Variants in ERBB4 observed in about 807,000 individuals in gnomAD.
The protein encoded by ERBB4 is receptor tyrosine-protein kinase erbB-4.
ERBB4 carries 42 observed loss-of-function variants against 158.0 expected under a neutral mutation model. That is an observed-to-expected ratio of 0.27 (90% CI 0.21 to 0.34). The LOEUF (loss-of-function observed/expected upper bound fraction) is 0.34. ERBB4 is among the 10% of genes least tolerant of loss of function. The pLI, the probability that ERBB4 is intolerant of heterozygous loss-of-function variation, is 1.00. For synonymous variants in ERBB4, 583 were observed against 558.7 expected (o/e 1.04, Z -0.61); for missense variants, 1,333 against 1,624.1 (o/e 0.82, Z 3.08).
At chr2:211,703,076 T>G (rs1041638783) in intron 11 of ERBB4, among the ~76,000 whole-genome samples, 1 of 152,142 alleles carries the variant, frequency 6.6e-6, no homozygotes, top group Non-Finnish European at 1.5e-5. Context: ...TTTTAAATAT[T>G]CTTTGCTGTT....
At chr2:212,177,958 G>T (rs1304661292) in intron 1 of ERBB4, among the ~76,000 whole-genome samples, 1 of 97,140 alleles carries the variant, frequency 1.0e-5, no homozygotes, top group Admixed American at 9.0e-5. Context: ...TTGTGAGTGT[G>T]AGTGTGTGTG....
intron 1 of ERBB4, among the ~76,000 whole-genome samples, chr2:212,163,540 G>C (rs2081263739): frequency 6.6e-6 from 1 of 151,930 alleles, no homozygotes; most frequent in Admixed American, 6.6e-5. Context: ...CTATTGATTA[G>C]TCTGTAATAA....
intron 20 of ERBB4, among the ~76,000 whole-genome samples, chr2:211,486,153 C>G (rs1464713229): frequency 6.6e-6 from 1 of 152,068 alleles, no homozygotes; most frequent in East Asian, 1.9e-4. Context: ...ATTACATCAT[C>G]CTTCTTGGAA....
intron 16 of ERBB4, among the ~76,000 whole-genome samples, chr2:211,637,270 A>G (rs1014173717): frequency 5.9e-5 from 9 of 151,946 alleles, no homozygotes; most frequent in African/African-American, 1.9e-4. Context: ...AAACCTATTG[A>G]CTCTCTATTA....
chr2:211,459,617 T>G (rs1448101981), intron 20 of ERBB4, among the ~76,000 whole-genome samples: 1 of 152,210 alleles, frequency 6.6e-6, no homozygotes, highest in Non-Finnish European at 1.5e-5. Context: ...TACAAGGGGT[T>G]TCAGCTTTCA....
Position 212,381,214 on chromosome 2 carries a change from A to C in ERBB4, c.82+157235T>G, listed in dbSNP as rs2090492440. ...ATTAATGCAAAATTACCAAACCAAA[A>C]TCTTACAAAAATTAGATGAGTCAGT... On this transcript the variant is annotated intron_variant, in intron 1 of 27. Transcript: ENST00000342788. 3.3e-5 allele frequency among the ~76,000 whole-genome samples: 5 copies of C among 151,466 alleles called. No homozygotes were observed. In the South Asian group the frequency reaches 1.0e-3, roughly 31 times the overall value.
rs1207637906 is a variant in ERBB4, at chr2:211,846,747, A to C, written c.422-58588T>G. 2.6e-5 allele frequency among the ~76,000 whole-genome samples: 4 copies of C among 152,050 alleles called. No homozygotes were observed. The East Asian group carries it at 7.7e-4, about 29-fold the overall frequency. On this transcript the variant is annotated intron_variant, in intron 3 of 27. Coordinates refer to ENST00000342788, the MANE Select transcript of ERBB4 (RefSeq NM_005235.3). ...AATTTGAACTTGAAAATAATAGTCT[A>C]TTTTTCCCTAATTCGGCATTTGCAA...
intron 1 of ERBB4, among the ~76,000 whole-genome samples, chr2:212,302,521 A>G (rs2106211771): frequency 6.6e-6 from 1 of 151,606 alleles, no homozygotes; most frequent in East Asian, 1.9e-4. Context: ...ATTAGAGTCC[A>G]TTTTATTACC....
At chr2:212,434,742 T>C (rs1052265908) in intron 1 of ERBB4, among the ~76,000 whole-genome samples, 4 of 152,006 alleles carry the variant, frequency 2.6e-5, no homozygotes, top group Non-Finnish European at 4.4e-5. Context: ...AATCTTATAA[T>C]ATGGAATCAG....
chr2:211,429,421 C>T (rs1199279659), intron 21 of ERBB4, among the ~76,000 whole-genome samples: 4 of 152,056 alleles, frequency 2.6e-5, no homozygotes, highest in African/African-American at 7.3e-5. Flanking sequence ...AAAATATGTA[C>T]CATTTTCAAA....
At chr2:212,174,217 T>C (rs2081596941) in intron 1 of ERBB4, among the ~76,000 whole-genome samples, 1 of 152,146 alleles carries the variant, frequency 6.6e-6, no homozygotes, top group African/African-American at 2.4e-5. Flanking sequence ...TGGATTTTCA[T>C]ACTCTCTACA....
At chr2:211,604,426 GAGA>G (rs1371253346) in intron 19 of ERBB4, among the ~76,000 whole-genome samples, 1 of 152,058 alleles carries the variant, frequency 6.6e-6, no homozygotes, top group Non-Finnish European at 1.5e-5. Context: ...TTAAACACTT[GAGA>G]AGGATAAACC....
rs140990536 is a variant in ERBB4 at position 212,081,400 on chromosome 2, G to C, written c.234+43352C>G. Among the ~76,000 whole-genome samples the C allele has an allele frequency of 4.0e-3, 614 of 152,142 alleles. 2 individuals carry two copies. Among genetic ancestry groups the C allele is most frequent in the Non-Finnish European group, 6.5e-3 (444 of 67,992 alleles). The stretch of plus-strand genomic sequence containing the variant: ...GTCAAGACATTAAAAAACAAACAAG[G>C]AAACAAGTAAAACTGAAATTGCCTT... On this transcript the variant is annotated intron_variant, in intron 2 of 27. Transcript: ENST00000342788.
chr2:212,442,182 G>C (rs1178642613), intron 1 of ERBB4, among the ~76,000 whole-genome samples: 2 of 152,104 alleles, frequency 1.3e-5, no homozygotes, highest in Admixed American at 6.6e-5. Context: ...GAAATTGATA[G>C]GAAGCCTACT....
chr2:211,661,855 C>A (rs1450694443), intron 15 of ERBB4, among the ~76,000 whole-genome samples: 3 of 149,896 alleles, frequency 2.0e-5, no homozygotes, highest in East Asian at 2.0e-4. Context: ...CCGGCTAAAA[C>A]GGTGAAACCC....
chr2:211,772,498 C>A (rs979136732), intron 4 of ERBB4, among the ~76,000 whole-genome samples: 2 of 151,796 alleles, frequency 1.3e-5, no homozygotes, highest in East Asian at 3.9e-4. Flanking sequence ...AGAGACTAAT[C>A]CCTAAGGTCT....
chr2:211,936,833 T>C (rs2080337026), intron 3 of ERBB4, among the ~76,000 whole-genome samples: 1 of 152,156 alleles, frequency 6.6e-6, no homozygotes, highest in South Asian at 2.1e-4. Context: ...GTTAGTAACA[T>C]TTATTATGCC....
At chr2:212,289,608 G>A (rs2086129786) in intron 1 of ERBB4, among the ~76,000 whole-genome samples, 2 of 152,110 alleles carry the variant, frequency 1.3e-5, no homozygotes, top group Admixed American at 6.6e-5. Flanking sequence ...GGAAGTTTTT[G>A]CCTGAAGGAG....
intron 3 of ERBB4, among the ~76,000 whole-genome samples, chr2:211,802,782 G>GGTGT (rs1337689824): frequency 4.6e-5 from 7 of 152,160 alleles, no homozygotes; most frequent in African/African-American, 1.7e-4. Context: ...CTTGTTGGCA[G>GGTGT]GTGTAATTAA....
Sources: gnomAD v4.1 joint callset for allele counts (sites outside exome capture counted in the v4.1 genomes callset) on GRCh38, gnomAD v4.1.1 for gene constraint, MANE v1.5 for transcripts, NCBI Gene and HGNC (gene_info 2026-07-23, HGNC 2026-07-21) for gene names.